WWC2: variants seen among roughly 807,000 people sequenced by gnomAD.
WWC2 encodes the protein WW and C2 domain containing 2.
Under a neutral mutation model 138.5 loss-of-function variants are expected in WWC2, and 101 were observed. That is an observed-to-expected ratio of 0.73 (90% CI 0.62 to 0.86). WWC2 has a LOEUF of 0.86. WWC2 is among the 40% of genes least tolerant of loss of function. WWC2 has a pLI of 0.00. For missense variants in WWC2, 1,420 were observed against 1,419.4 expected (o/e 1.00, Z -0.01); for synonymous variants, 558 against 538.4 (o/e 1.04, Z -0.50).
intron 22 of WWC2, among the ~76,000 whole-genome samples, chr4:183,313,961 T>G (rs565305538): frequency 1.9e-4 from 29 of 151,682 alleles, no homozygotes; most frequent in African/African-American, 7.0e-4. Flanking sequence ...AGACGAGTCT[T>G]TGGAAAGTGT....
chr4:183,155,827 G>A (rs1733788355), intron 1 of WWC2, among the ~76,000 whole-genome samples: 1 of 152,138 alleles, frequency 6.6e-6, no homozygotes, highest in South Asian at 2.1e-4. Flanking sequence ...CACCCCTTAA[G>A]AAGAAATAGT....
intron 1 of WWC2, among the ~76,000 whole-genome samples, chr4:183,146,724 A>G (rs979625170): frequency 1.3e-5 from 2 of 152,162 alleles, no homozygotes; most frequent in Non-Finnish European, 2.9e-5. Context: ...TGACAATGAC[A>G]ACGTTGTCAG....
At chr4:183,235,652 A>G (rs527663803) in intron 4 of WWC2, among the ~76,000 whole-genome samples, 49 of 152,318 alleles carry the variant, frequency 3.2e-4, no homozygotes, top group African/African-American at 1.2e-3. Context: ...ATATTGTCAC[A>G]TATTGCAGCC....
At chr4:183,281,308 T>G (rs563854730) in intron 17 of WWC2, 1 of 204,592 alleles carries the variant, frequency 4.9e-6, no homozygotes, top group South Asian at 1.8e-4. Flanking sequence ...AAACAACTTC[T>G]GAGTACTCAT....
At chr4:183,192,015 G>A (rs1221115779) in intron 1 of WWC2, among the ~76,000 whole-genome samples, 1 of 152,186 alleles carries the variant, frequency 6.6e-6, no homozygotes, top group African/African-American at 2.4e-5. Flanking sequence ...GTGAGCCACG[G>A]TGCCCAACCA....
At chr4:183,215,485 C>A (rs1460535373) in intron 4 of WWC2, among the ~76,000 whole-genome samples, 1 of 152,026 alleles carries the variant, frequency 6.6e-6, no homozygotes, top group African/African-American at 2.4e-5. Flanking sequence ...ATGAGAGATT[C>A]TCTTTAATAC....
At chr4:183,250,235 GC>G (rs1255339221) in intron 8 of WWC2, among the ~76,000 whole-genome samples, 2 of 134,462 alleles carry the variant, frequency 1.5e-5, no homozygotes, top group Non-Finnish European at 3.1e-5. Flanking sequence ...AAATGAACTT[GC>G]CCCCTTCTCC....
intron 4 of WWC2, among the ~76,000 whole-genome samples, chr4:183,217,061 A>G (rs1166231270): frequency 1.3e-5 from 2 of 152,216 alleles, no homozygotes; most frequent in South Asian, 2.1e-4. Flanking sequence ...CTAGTGCTGC[A>G]TTGGACTTCT....
chr4:183,216,103 G>T (rs1332460970), intron 4 of WWC2, among the ~76,000 whole-genome samples: 1 of 152,096 alleles, frequency 6.6e-6, no homozygotes, highest in African/African-American at 2.4e-5. Context: ...TGACATGTAC[G>T]CAATAAATAC....
intron 1 of WWC2, among the ~76,000 whole-genome samples, chr4:183,174,817 C>T (rs1250652434): frequency 6.6e-6 from 1 of 152,032 alleles, no homozygotes; most frequent in Admixed American, 6.6e-5. Context: ...CTCTGTCTCT[C>T]TCTCTTTTGC....
chr4:183,175,019 A>G (rs778902633), intron 1 of WWC2, among the ~76,000 whole-genome samples: 3 of 152,218 alleles, frequency 2.0e-5, no homozygotes, highest in East Asian at 1.9e-4. Flanking sequence ...ATTTATGTCT[A>G]TATTTTCTCT....
chr4:183,175,986 C>T (rs1734457293), intron 1 of WWC2, among the ~76,000 whole-genome samples: 1 of 152,238 alleles, frequency 6.6e-6, no homozygotes, highest in African/African-American at 2.4e-5. Context: ...CGTTCAGCCT[C>T]ATGACTTATG....
At chr4:183,216,305 G>C (rs1425342667) in intron 4 of WWC2, among the ~76,000 whole-genome samples, 2 of 152,134 alleles carry the variant, frequency 1.3e-5, no homozygotes, top group Non-Finnish European at 2.9e-5. Context: ...CAGAATTTTA[G>C]CTCCTTCAAG....
At chr4:183,303,539 G>A (rs17074592) in intron 21 of WWC2, among the ~76,000 whole-genome samples, 12,956 of 152,190 alleles carry the variant, frequency 0.085, 721 homozygotes, top group South Asian at 0.17. Flanking sequence ...AGTCCTCACC[G>A]TGAATTACAT....
At chr4:183,239,488 A>C (rs749901535) in intron 4 of WWC2, among the ~76,000 whole-genome samples, 4 of 152,212 alleles carry the variant, frequency 2.6e-5, no homozygotes, top group Non-Finnish European at 4.4e-5. Flanking sequence ...ATATTTGACA[A>C]CAGGAAAAAT....
chr4:183,259,561 G>T, intron 9 of WWC2, 78 bp from the exon 10 acceptor site: 2 of 1,129,880 alleles, frequency 1.8e-6, no homozygotes, highest in Admixed American at 2.6e-5. Flanking sequence ...TGTAATGTTT[G>T]TACAATGAGA....
At chr4:183,101,928 G>A (rs537206257) in intron 1 of WWC2, among the ~76,000 whole-genome samples, 8 of 152,172 alleles carry the variant, frequency 5.3e-5, no homozygotes, top group Non-Finnish European at 8.8e-5. Context: ...AAAGAATTTT[G>A]TGTTTTTGAT....
chr4:183,311,810 C>T (rs1321047608), intron 21 of WWC2, among the ~76,000 whole-genome samples: 3 of 152,048 alleles, frequency 2.0e-5, no homozygotes, highest in African/African-American at 7.2e-5. Context: ...ATCTCCTGAC[C>T]TCGTGATCCG....
chr4:183,100,229 A>T (rs1198535931), intron 1 of WWC2, among the ~76,000 whole-genome samples: 3 of 152,246 alleles, frequency 2.0e-5, no homozygotes, highest in Non-Finnish European at 4.4e-5. Flanking sequence ...GTCTGTCGTT[A>T]GTCTTCACCT....
Sources: allele counts gnomAD v4.1 joint callset (sites outside exome capture counted in the v4.1 genomes callset), GRCh38; gene constraint gnomAD v4.1.1; transcripts MANE v1.5; gene names NCBI Gene and HGNC (gene_info 2026-07-23, HGNC 2026-07-21).